EPSTI1: variants seen among roughly 807,000 people sequenced by gnomAD.
The protein encoded by EPSTI1 is epithelial stromal interaction 1.
In EPSTI1, 66 loss-of-function variants were observed where a neutral mutation model predicts 49.9. The observed-to-expected ratio is 1.32, with a 90% CI of 1.08 to 1.62. The LOEUF is 1.62. Ranked by LOEUF, EPSTI1 falls within the 40% of genes most tolerant of loss-of-function variation. EPSTI1 has a pLI of 0.00. For synonymous variants in EPSTI1, 137 were observed against 130.7 expected (o/e 1.05, Z -0.33); for missense variants, 394 against 365.5 (o/e 1.08, Z -0.64).
intron 3 of EPSTI1, among the ~76,000 whole-genome samples, chr13:42,968,792 A>G (rs2153432812): frequency 6.6e-6 from 1 of 152,134 alleles, no homozygotes; most frequent in Non-Finnish European, 1.5e-5. Context: ...GCAGCGCCCC[A>G]GGTAAGCTTT....
chr13:42,974,916 A>G, intron 1 of EPSTI1, among the ~76,000 whole-genome samples: 1 of 152,218 alleles, frequency 6.6e-6, no homozygotes, highest in Non-Finnish European at 1.5e-5. Flanking sequence ...AAATGCAGTT[A>G]AGAGCAAAAG....
intron 6 of EPSTI1, among the ~76,000 whole-genome samples, chr13:42,927,473 C>T (rs548476562): frequency 6.6e-6 from 1 of 152,292 alleles, no homozygotes; most frequent in Non-Finnish European, 1.5e-5. Context: ...CTCTGCTTCC[C>T]CCTAATATTT....
chr13:42,894,808 T>C (rs1321279709), intron 10 of EPSTI1, among the ~76,000 whole-genome samples: 2 of 152,162 alleles, frequency 1.3e-5, no homozygotes, highest in Non-Finnish European at 2.9e-5. Flanking sequence ...TGGCCAGAGC[T>C]GAAATCAGGA....
At chr13:42,892,672 G>A (rs74490550) in intron 10 of EPSTI1, among the ~76,000 whole-genome samples, 9,679 of 152,148 alleles carry the variant, frequency 0.064, 377 homozygotes, top group Admixed American at 0.088. Context: ...TGGAGGAAGG[G>A]GTCTGGGCTG....
chr13:42,936,381 A>G (rs1168833747), intron 6 of EPSTI1, among the ~76,000 whole-genome samples: 4 of 152,202 alleles, frequency 2.6e-5, no homozygotes, highest in Admixed American at 2.6e-4. Flanking sequence ...AGTCCAATTC[A>G]ATCAAGCTCC....
intron 3 of EPSTI1, among the ~76,000 whole-genome samples, chr13:42,965,644 CAGG>C (rs1240569595): frequency 6.6e-5 from 10 of 151,632 alleles, no homozygotes; most frequent in African/African-American, 2.2e-4. Context: ...ACCAGATGAG[CAGG>C]AGAAGTTTAA....
chr13:42,911,785 C>G (rs982147088), intron 8 of EPSTI1, among the ~76,000 whole-genome samples: 1 of 152,110 alleles, frequency 6.6e-6, no homozygotes, highest in East Asian at 1.9e-4. Flanking sequence ...ACAGCTGTTT[C>G]TTAGAGTTTT....
At chr13:42,961,272 G>A (rs1180092448) in intron 5 of EPSTI1, among the ~76,000 whole-genome samples, 5 of 152,064 alleles carry the variant, frequency 3.3e-5, no homozygotes, top group Non-Finnish European at 7.4e-5. Context: ...TTAATCTGTA[G>A]CATTTACTGA....
chr13:42,900,471 A>G, intron 8 of EPSTI1, 88 bp from the exon 9 acceptor site: 1 of 1,249,434 alleles, frequency 8.0e-7, no homozygotes, highest in South Asian at 1.3e-5. Flanking sequence ...TTAAACCTCA[A>G]CTGGTACAAT....
At chr13:42,899,122 C>T (rs1009114354) in intron 9 of EPSTI1, among the ~76,000 whole-genome samples, 3 of 150,908 alleles carry the variant, frequency 2.0e-5, no homozygotes, top group Admixed American at 6.6e-5. Context: ...CACTTGAACC[C>T]GGGAGGCAGA....
At chr13:42,918,313 A>G (rs969815367) in intron 7 of EPSTI1, among the ~76,000 whole-genome samples, 3 of 152,184 alleles carry the variant, frequency 2.0e-5, no homozygotes, top group African/African-American at 7.2e-5. Flanking sequence ...CATTTATGGC[A>G]TTTCAAGTGT....
At chr13:42,951,808 T>C (rs2039105836) in intron 6 of EPSTI1, among the ~76,000 whole-genome samples, 1 of 152,202 alleles carries the variant, frequency 6.6e-6, no homozygotes, top group African/African-American at 2.4e-5. Context: ...CCTCTTCCAA[T>C]GTAAAACTAG....
chr13:42,989,032 A>ATTTTTTTTTTTTTTT (rs74772535), intron 1 of EPSTI1, among the ~76,000 whole-genome samples: 1 of 96,122 alleles, frequency 1.0e-5, no homozygotes. Flanking sequence ...GATAATTTAA[A>ATTTTTTTTTTTTTTT]TTTTTTTTTT....
intron 9 of EPSTI1, among the ~76,000 whole-genome samples, chr13:42,895,564 CT>C (rs2037166855): frequency 6.6e-6 from 1 of 152,190 alleles, no homozygotes. Context: ...GCCAGTCTTG[CT>C]AAAGTAAACC....
chr13:42,911,453 C>T (rs563485779), intron 8 of EPSTI1, among the ~76,000 whole-genome samples: 12 of 152,198 alleles, frequency 7.9e-5, no homozygotes, highest in Admixed American at 6.5e-4. Context: ...TAAAATTATC[C>T]AAGTTCAGCC....
chr13:42,900,580 A>G (rs551999508), intron 8 of EPSTI1, among the ~76,000 whole-genome samples, 197 bp from the exon 9 acceptor site: 22 of 152,058 alleles, frequency 1.4e-4, no homozygotes, highest in African/African-American at 5.3e-4. Flanking sequence ...CAAACAGAAT[A>G]GCTCTGTGAG....
chr13:42,917,606 T>C lies in EPSTI1; in HGVS notation c.676A>G (p.Arg226Gly), dbSNP rs747664866. 8.3e-6 allele frequency: 12 copies of C among 1,445,524 alleles called. No homozygotes were observed. In the South Asian group the frequency reaches 1.2e-4, roughly 15 times the overall value. The allele number at this position is 1,445,524 out of a possible 1,614,324, so 89.5% of individuals were successfully genotyped here. A position where few individuals can be genotyped will look rare whatever the true frequency, so the allele number is the denominator to read the frequency against. ...TTTTCTTCTGCCTTTAGAGAATCTC[T>C]GTAAGCCCAGCTTCTGGCCTGTAAA... ...SSTWARSWAYRDSLKAEENRK... is the reference protein window; with the variant it reads ...SSTWARSWAYGDSLKAEENRK... The change falls in exon 8 of 11, where the codon AGA (arginine) becomes GGA (glycine). Residue 226 changes from arginine (R) to glycine (G), a missense_variant. Physicochemically the swap from Arg to Gly is moderately radical, Grantham distance 125. Transcript: ENST00000313624.
Position 42,889,300 on chromosome 13 carries a change from G to A in EPSTI1, c.916-798C>T, listed in dbSNP as rs1274004094. The A allele has an allele frequency of 8.5e-6, 9 of 1,057,678 alleles. No individual in the cohort carries two copies. The Admixed American group carries it at 2.8e-4, about 32-fold the overall frequency. 65.5% of individuals were successfully genotyped at this position (1,057,678 alleles called of 1,614,324 possible). ...TAAAAGCAATTATTGAAGAATAAAT[G>A]TATATGTTAAGAAATATGAGAAGAC... On this transcript the variant is annotated intron_variant, in intron 10 of 10. Transcript: ENST00000313624.
intron 1 of EPSTI1, among the ~76,000 whole-genome samples, chr13:42,975,946 A>G (rs2039873299): frequency 6.6e-6 from 1 of 152,258 alleles, no homozygotes; most frequent in South Asian, 2.1e-4. Context: ...ATGGAGACCA[A>G]CTGGTAGGTA....
Sources: gnomAD v4.1 joint callset for allele counts (sites outside exome capture counted in the v4.1 genomes callset) on GRCh38, gnomAD v4.1.1 for gene constraint, MANE v1.5 for transcripts, NCBI Gene and HGNC (gene_info 2026-07-23, HGNC 2026-07-21) for gene names.